The following RPRD1A variants were observed in gnomAD, a reference collection of about 807,000 sequenced individuals.
RPRD1A encodes regulation of nuclear pre-mRNA domain containing 1A.
In RPRD1A, 9 loss-of-function variants were observed where a neutral mutation model predicts 37.8. The observed-to-expected ratio is 0.24, with a 90% CI of 0.14 to 0.42. The LOEUF (loss-of-function observed/expected upper bound fraction) is 0.42, where lower values mean the gene tolerates loss of function less well. Among genes scored for constraint, RPRD1A ranks in the 10% least tolerant of loss-of-function variants. The pLI, the probability that RPRD1A is intolerant of heterozygous loss-of-function variation, is 1.00. For synonymous variants in RPRD1A, 138 were observed against 139.7 expected (o/e 0.99, Z 0.08); for missense variants, 255 against 371.0 (o/e 0.69, Z 2.57).
chr18:36,026,781 C>T (rs1356802038), intron 6 of RPRD1A, 119 bp downstream of exon 6: 30 of 768,972 alleles, frequency 3.9e-5, no homozygotes, highest in Non-Finnish European at 5.4e-5. Context: ...ACCTGGGCTA[C>T]TGCTTAAAAA....
intron 1 of RPRD1A, among the ~76,000 whole-genome samples, chr18:36,057,813 A>C (rs1020382029): frequency 2.0e-5 from 3 of 152,276 alleles, no homozygotes; most frequent in Non-Finnish European, 4.4e-5. Context: ...ATATACTTCA[A>C]ATCTTAAACC....
chr18:36,051,228 T>C (rs1446381429), intron 1 of RPRD1A, among the ~76,000 whole-genome samples: 3 of 152,166 alleles, frequency 2.0e-5, no homozygotes, highest in African/African-American at 4.8e-5. Context: ...TGCGTCAATA[T>C]AGCAAGTAAG....
At position 36,010,504 on chromosome 18, in the gene RPRD1A, AC is replaced by A. The variant is rs1303782766; in HGVS notation, c.789+16395del. 5.3e-5 allele frequency among the ~76,000 whole-genome samples: 8 copies of A among 152,252 alleles called. No homozygotes were observed. In the East Asian group the frequency reaches 1.5e-3, roughly 29 times the overall value. On this transcript the variant is annotated intron_variant, in intron 6 of 6. Coordinates refer to ENST00000399022, the MANE Select transcript of RPRD1A (RefSeq NM_018170.5). Reference sequence around the variant, plus strand: ...AGAATGAGACCCTGTCTCAAAAAAAACAAAACAAAACAAAAGCTGCAACTCA... The same window carrying A: ...AGAATGAGACCCTGTCTCAAAAAAAAAAAACAAAACAAAAGCTGCAACTCA...
chr18:36,025,372 G>C (rs1198720992), intron 6 of RPRD1A: 1 of 305,860 alleles, frequency 3.3e-6, no homozygotes, highest in Non-Finnish European at 6.4e-6. Flanking sequence ...ATTATCATCA[G>C]CCTCATAATC....
At chr18:36,022,984 C>A (rs1249517849) in intron 6 of RPRD1A, among the ~76,000 whole-genome samples, 1 of 152,102 alleles carries the variant, frequency 6.6e-6, no homozygotes, top group African/African-American at 2.4e-5. Flanking sequence ...TAAAAAATTA[C>A]TATTGACAAC....
At chr18:36,025,695 A>G (rs1292127036) in intron 6 of RPRD1A, 2 of 1,262,570 alleles carry the variant, frequency 1.6e-6, no homozygotes, top group Admixed American at 2.5e-5. Flanking sequence ...CAGAAGCTCA[A>G]TAGAAGTTAA....
chr18:36,016,505 GAGC>G (rs1910587611), intron 6 of RPRD1A, among the ~76,000 whole-genome samples: 1 of 152,176 alleles, frequency 6.6e-6, no homozygotes. Flanking sequence ...TTACAGGCAT[GAGC>G]CACCGCGCCC....
At chr18:36,000,708 C>T (rs914970445) in intron 6 of RPRD1A, among the ~76,000 whole-genome samples, 1 of 152,196 alleles carries the variant, frequency 6.6e-6, no homozygotes, top group African/African-American at 2.4e-5. Context: ...TTAATCTTCA[C>T]TGGTAGAGAT....
At chr18:36,034,733 C>G (rs929087130) in intron 1 of RPRD1A, among the ~76,000 whole-genome samples, 2 of 152,104 alleles carry the variant, frequency 1.3e-5, no homozygotes, top group Non-Finnish European at 2.9e-5. Context: ...TATGCAGTAT[C>G]CTATTGATGT....
intron 6 of RPRD1A, among the ~76,000 whole-genome samples, chr18:36,020,855 AATT>A (rs1910949269): frequency 6.6e-6 from 1 of 152,100 alleles, no homozygotes; most frequent in Non-Finnish European, 1.5e-5. Flanking sequence ...CAGTTAAATA[AATT>A]ATCATACATC....
At chr18:36,038,973 G>A (rs1458685936) in intron 1 of RPRD1A, among the ~76,000 whole-genome samples, 2 of 152,160 alleles carry the variant, frequency 1.3e-5, no homozygotes, top group Non-Finnish European at 2.9e-5. Context: ...TTATTTTACA[G>A]GCTCATAGGT....
intron 1 of RPRD1A, among the ~76,000 whole-genome samples, chr18:36,047,017 C>T (rs563823064): frequency 6.6e-5 from 10 of 151,994 alleles, no homozygotes; most frequent in South Asian, 4.2e-4. Flanking sequence ...AAAGCAGCCA[C>T]CAAGGCTGGG....
intron 1 of RPRD1A, 59 bp downstream of exon 1, chr18:36,067,195 G>C: frequency 6.7e-7 from 1 of 1,496,868 alleles, no homozygotes; most frequent in African/African-American, 1.4e-5. Flanking sequence ...CGGGGTTCCC[G>C]GGGGCGCCTG....
intron 6 of RPRD1A, chr18:36,025,707 G>A: frequency 2.5e-6 from 3 of 1,217,710 alleles, no homozygotes; most frequent in Non-Finnish European, 3.2e-6. Context: ...AGAAGTTAAA[G>A]AAACCATACT....
intron 6 of RPRD1A, among the ~76,000 whole-genome samples, chr18:36,008,732 T>C (rs1259316847): frequency 1.3e-5 from 2 of 151,594 alleles, no homozygotes; most frequent in Non-Finnish European, 2.9e-5. Flanking sequence ...ATGCATTATG[T>C]GCAATGGTAG....
intron 1 of RPRD1A, among the ~76,000 whole-genome samples, chr18:36,055,001 C>T (rs1222468027): frequency 1.3e-5 from 2 of 152,182 alleles, no homozygotes; most frequent in Non-Finnish European, 2.9e-5. Flanking sequence ...CTGTTTTTCT[C>T]AGTCTGATTT....
chr18:35,996,093 G>C (rs139354039), intron 6 of RPRD1A, among the ~76,000 whole-genome samples: 1 of 152,136 alleles, frequency 6.6e-6, no homozygotes, highest in African/African-American at 2.4e-5. Context: ...AAGAAAATCT[G>C]AATAAAGTGT....
At chr18:36,039,659 T>C (rs574473967) in intron 1 of RPRD1A, among the ~76,000 whole-genome samples, 55 of 152,384 alleles carry the variant, frequency 3.6e-4, no homozygotes, top group African/African-American at 1.3e-3. Flanking sequence ...CTCATTTTTA[T>C]ATGCTGCAAA....
At chr18:36,000,379 T>C (rs1222184597) in intron 6 of RPRD1A, among the ~76,000 whole-genome samples, 1 of 152,250 alleles carries the variant, frequency 6.6e-6, no homozygotes, top group African/African-American at 2.4e-5. Flanking sequence ...ATTACTTTAA[T>C]GTAAGTAAGT....
Sources: allele counts gnomAD v4.1 joint callset (sites outside exome capture counted in the v4.1 genomes callset), GRCh38; gene constraint gnomAD v4.1.1; transcripts MANE v1.5; gene names NCBI Gene and HGNC (gene_info 2026-07-23, HGNC 2026-07-21).